Variants in GDPD5 observed in about 807,000 individuals in gnomAD.
The protein encoded by GDPD5 is glycerophosphodiester phosphodiesterase domain containing 5.
GDPD5 carries 48 observed loss-of-function variants against 75.1 expected under a neutral mutation model. That is an observed-to-expected ratio of 0.64 (90% confidence interval 0.51 to 0.81). The LOEUF (loss-of-function observed/expected upper bound fraction) is 0.81. Ranked by LOEUF, GDPD5 falls within the 40% of genes least tolerant of loss-of-function variation. GDPD5 has a pLI of 0.00. For missense variants in GDPD5, 706 were observed against 822.6 expected, an observed-to-expected ratio of 0.86 and a Z score of 1.73; for synonymous variants, 336 against 339.0, an observed-to-expected ratio of 0.99 and a Z score of 0.10.
intron 2 of GDPD5, among the ~76,000 whole-genome samples, chr11:75,485,914 G>A (rs1472935482): frequency 3.3e-5 from 5 of 152,182 alleles, no homozygotes; most frequent in Admixed American, 6.5e-5. Context: ...GGGGAAGGGG[G>A]GCAAGCATGC....
At position 75,443,306 on chromosome 11, in the gene GDPD5, A is replaced by G; in HGVS notation, c.798-20T>C. ...TCCAGGCTGCAGGGAGGGTGGGGCC[A>G]CCGAGTCAGTGACCCCCCAGATCCT... On this transcript the variant is annotated intron_variant, in intron 10 of 16. Coordinates refer to ENST00000336898, the MANE Select transcript of GDPD5 (RefSeq NM_030792.8). The G allele has an allele frequency of 6.3e-7, 1 of 1,594,668 alleles. No individual in the cohort carries two copies. Among genetic ancestry groups the G allele is most frequent in the Non-Finnish European group, 8.5e-7 (1 of 1,173,246 alleles).
intron 15 of GDPD5, 85 bp downstream of exon 15, chr11:75,439,787 CCAGGGCT>C (rs3216162): frequency 9.5e-7 from 1 of 1,052,924 alleles, no homozygotes; most frequent in East Asian, 2.4e-5. Context: ...TGGCTGAGGC[CCAGGGCT>C]CAGGAGAGGG....
chr11:75,442,783 G>A (rs985165266), intron 11 of GDPD5: 25 of 610,950 alleles, frequency 4.1e-5, no homozygotes, highest in African/African-American at 3.1e-4. Context: ...CCAAGAGGAC[G>A]GAGGACGGCT....
chr11:75,477,725 T>C lies in GDPD5; in HGVS notation c.11A>G (p.His4Arg), dbSNP rs1177508586. 6.3e-7 allele frequency: 1 copy of C among 1,578,644 alleles called. No individual in the cohort carries two copies. The highest frequency in any genetic ancestry group is 1.1e-5 in the South Asian group (1 of 88,410). The change falls in exon 3 of 17, where the codon CAC becomes CGC. Residue 4 changes from histidine to arginine, a missense_variant. Physicochemically the swap from His to Arg is conservative, Grantham distance 29 (BLOSUM62 0). Coordinates refer to ENST00000336898, the MANE Select transcript of GDPD5 (RefSeq NM_030792.8). Reference sequence around the variant, plus strand: ...TGGCTCGTAGTACTGCAGGGGCTGGTGTCTCACCATACTCGTGCCCACGGC... The same window carrying C: ...TGGCTCGTAGTACTGCAGGGGCTGGCGTCTCACCATACTCGTGCCCACGGC... MVR[H>R]QPLQYYEPQL...
chr11:75,456,637 G>A, intron 6 of GDPD5, 120 bp downstream of exon 6: 1 of 926,722 alleles, frequency 1.1e-6, no homozygotes, highest in East Asian at 2.5e-5. Flanking sequence ...CTCAGCCTTA[G>A]CTATGAGAAC....
intron 4 of GDPD5, 88 bp downstream of exon 4, chr11:75,462,698 A>G: frequency 2.0e-6 from 2 of 1,014,720 alleles, no homozygotes; most frequent in East Asian, 5.2e-5. Context: ...CCAACCTGGG[A>G]GACAGGCTCT....
intron 1 of GDPD5, among the ~76,000 whole-genome samples, chr11:75,516,485 C>T (rs1419528338): frequency 2.0e-5 from 3 of 152,218 alleles, no homozygotes; most frequent in Non-Finnish European, 4.4e-5. Context: ...TCCTCAGAGC[C>T]TCCTCTGGTC....
intron 3 of GDPD5, among the ~76,000 whole-genome samples, chr11:75,469,204 C>G (rs1047606318): frequency 6.6e-6 from 1 of 152,182 alleles, no homozygotes. Context: ...GCCCTGGGAA[C>G]CAGCACCAAT....
At chr11:75,505,985 G>A (rs1950389888) in intron 1 of GDPD5, among the ~76,000 whole-genome samples, 1 of 152,120 alleles carries the variant, frequency 6.6e-6, no homozygotes, top group Non-Finnish European at 1.5e-5. Context: ...AGAAGGAATG[G>A]GGCGGGGCAG....
At chr11:75,504,238 C>A (rs1950349674) in intron 1 of GDPD5, among the ~76,000 whole-genome samples, 1 of 152,240 alleles carries the variant, frequency 6.6e-6, no homozygotes, top group Non-Finnish European at 1.5e-5. Flanking sequence ...TGCAAGTCTG[C>A]TGTACGCCAA....
chr11:75,451,651 C>A (rs995862092), intron 6 of GDPD5: 1 of 152,240 alleles, frequency 6.6e-6, no homozygotes, highest in African/African-American at 2.4e-5. Flanking sequence ...GCGCGCAGCT[C>A]CCCCTTGTGG....
At chr11:75,448,922 C>T (rs957188059) in intron 9 of GDPD5, 55 bp downstream of exon 9, 13 of 1,506,900 alleles carry the variant, frequency 8.6e-6, no homozygotes, top group African/African-American at 1.4e-5. Context: ...CAAGAAGGTC[C>T]CCCCCATCGC....
At chr11:75,436,813 T>A (rs1217410716) in intron 16 of GDPD5, 123 bp downstream of exon 16, 1 of 713,064 alleles carries the variant, frequency 1.4e-6, no homozygotes, top group Non-Finnish European at 2.5e-6. Flanking sequence ...TATGTACGTC[T>A]GTGCCCTTGT....
At chr11:75,440,600 T>C (rs1948766406) in intron 14 of GDPD5, among the ~76,000 whole-genome samples, 2 of 152,208 alleles carry the variant, frequency 1.3e-5, no homozygotes, top group South Asian at 4.1e-4. Context: ...GGATCTCACT[T>C]TGTCATCCAG....
intron 1 of GDPD5, among the ~76,000 whole-genome samples, chr11:75,507,659 A>G (rs547082129): frequency 5.9e-5 from 9 of 152,368 alleles, no homozygotes; most frequent in Admixed American, 4.6e-4. Flanking sequence ...CAAGAATCAG[A>G]GGATAGGACA....
chr11:75,499,742 T>TGGGGTTG (rs1196231264), intron 1 of GDPD5, among the ~76,000 whole-genome samples: 1 of 152,168 alleles, frequency 6.6e-6, no homozygotes, highest in Non-Finnish European at 1.5e-5. Flanking sequence ...GGCCCAGAGA[T>TGGGGTTG]GGGGTTGGGT....
intron 1 of GDPD5, among the ~76,000 whole-genome samples, chr11:75,503,220 C>T (rs1179796213): frequency 6.6e-6 from 1 of 152,104 alleles, no homozygotes; most frequent in Non-Finnish European, 1.5e-5. Flanking sequence ...GGGGTTTCAT[C>T]ATGTTGGCCA....
chr11:75,453,108 G>A (rs1949206185), intron 6 of GDPD5: 1 of 152,142 alleles, frequency 6.6e-6, no homozygotes, highest in Non-Finnish European at 1.5e-5. Flanking sequence ...TCACCTCCTG[G>A]GTACCTCAAT....
At chr11:75,435,971 CCAA>C (rs895278213) in intron 16 of GDPD5, among the ~76,000 whole-genome samples, 14 of 152,196 alleles carry the variant, frequency 9.2e-5, no homozygotes, top group African/African-American at 3.4e-4. Context: ...AGTGACTGCC[CCAA>C]CAACACCTCC....
Sources: gnomAD v4.1 joint callset for allele counts (sites outside exome capture counted in the v4.1 genomes callset) on GRCh38, gnomAD v4.1.1 for gene constraint, MANE v1.5 for transcripts, NCBI Gene and HGNC (gene_info 2026-07-23, HGNC 2026-07-21) for gene names.